GLDC: variants seen among roughly 807,000 people sequenced by gnomAD.
The protein encoded by GLDC is glycine decarboxylase.
In GLDC, 104 loss-of-function variants were observed where a neutral mutation model predicts 121.3. The ratio of observed to expected loss-of-function variants is 0.86; its 90% confidence interval spans 0.73 to 1.01. GLDC has a LOEUF of 1.01. Among genes scored for constraint, GLDC ranks in the 50% least tolerant of loss-of-function variants. GLDC has a pLI of 0.00. For missense variants in GLDC, 1,429 were observed against 1,306.6 expected (o/e 1.09, Z -1.44); for synonymous variants, 546 against 480.6 (o/e 1.14, Z -1.78).
intron 2 of GLDC, among the ~76,000 whole-genome samples, chr9:6,634,365 C>T (rs1436162810): frequency 6.6e-6 from 1 of 151,920 alleles, no homozygotes; most frequent in African/African-American, 2.4e-5. Context: ...TCCATCTCTA[C>T]AAAAAATACA....
At position 6,536,161 on chromosome 9, in the gene GLDC, G is replaced by A. The variant is rs1320682192; in HGVS notation, c.2741C>T (p.Ala914Val). Residue 914 changes from alanine (A) to valine (V), a missense_variant, in exon 23 of 25, where the codon GCA (alanine) becomes GTA (valine). By Grantham distance (64) the Ala-to-Val change is moderately conservative (BLOSUM62 0). Transcript: ENST00000321612. ...GGCATCACAGAATCTGTCCAGCTCTGCCTTGTCCTCCGACTCAGTGGGCTC... is the reference window on the plus strand; with the variant it reads ...GGCATCACAGAATCTGTCCAGCTCTACCTTGTCCTCCGACTCAGTGGGCTC... ...MVEPTESEDKAELDRFCDAMI... is the reference protein window; with the variant it reads ...MVEPTESEDKVELDRFCDAMI... 6.2e-7 allele frequency: 1 copy of A among 1,613,944 alleles called. No individual in the cohort carries two copies. Among genetic ancestry groups the A allele is most frequent in the Non-Finnish European group, 8.5e-7 (1 of 1,179,966 alleles).
rs778202301 is a variant in GLDC at position 6,605,247 on chromosome 9, G to A, written c.745C>T (p.Pro249Ser). Residue 249 changes from proline (P) to serine (S), a missense_variant, in exon 6 of 25, where the codon CCC (proline) becomes TCC (serine). Coordinates refer to ENST00000321612, the MANE Select transcript of GLDC (RefSeq NM_000170.3). ...TTTCCACTGAAGTCCATTTCACAGG[G>A]TAACTTCAGCTCAGTGAGGACTCCA... is the stretch of plus-strand genomic sequence containing the variant. ...YTGVLTELKL[P>S]CEMDFSGKDV... 3.7e-6 allele frequency: 6 copies of A among 1,613,602 alleles called. No homozygotes were observed. The African/African-American group carries it at 8.0e-5, about 22-fold the overall frequency.
At chr9:6,625,592 T>G (rs1819218429) in intron 2 of GLDC, among the ~76,000 whole-genome samples, 1 of 152,152 alleles carries the variant, frequency 6.6e-6, no homozygotes, top group Admixed American at 6.5e-5. Flanking sequence ...ATTTGGCTAT[T>G]GTGCCAAGAG....
intron 15 of GLDC, among the ~76,000 whole-genome samples, chr9:6,576,671 T>C (rs1240532583): frequency 6.6e-6 from 1 of 152,134 alleles, no homozygotes; most frequent in Non-Finnish European, 1.5e-5. Context: ...TTCACTACGT[T>C]GGCCAGGCTG....
chr9:6,619,146 CAAAAAAAAAAAA>C (rs1162280442), intron 3 of GLDC, among the ~76,000 whole-genome samples: 49 of 60,672 alleles, frequency 8.1e-4, no homozygotes, highest in South Asian at 3.8e-3. Context: ...CTGTCTCAGG[CAAAAAAAAAAAA>C]AAAAAAAAAA....
chr9:6,535,921 C>A, intron 23 of GLDC, 143 bp downstream of exon 23: 1 of 774,840 alleles, frequency 1.3e-6, no homozygotes, highest in South Asian at 1.5e-5. Flanking sequence ...TTCAAAGTAA[C>A]AACTGCATCT....
intron 21 of GLDC, among the ~76,000 whole-genome samples, chr9:6,542,776 C>T (rs780687474): frequency 2.0e-4 from 30 of 149,164 alleles, no homozygotes; most frequent in Admixed American, 3.4e-4. Context: ...GTACCAGCTA[C>T]GTGTAAGGCT....
chr9:6,588,384 A>G lies in GLDC; in HGVS notation c.1707+17T>C, dbSNP rs1223788350. The G allele has an allele frequency of 1.9e-6, 3 of 1,593,172 alleles. No individual in the cohort carries two copies. The South Asian group carries it at 3.3e-5, about 18-fold the overall frequency. On this transcript the variant is annotated intron_variant, in intron 14 of 24. Coordinates refer to ENST00000321612, the MANE Select transcript of GLDC (RefSeq NM_000170.3). ...TGCCCCTTGCTGAGTATCCACTTAC[A>G]GAAGTGAGCTACTTACTGCGAGTTC...
Position 6,623,029 on chromosome 9 carries a change from T to C in GLDC, c.335-2710A>G, listed in dbSNP as rs538654846. On this transcript the variant is annotated intron_variant, in intron 2 of 24. Coordinates refer to ENST00000321612, the MANE Select transcript of GLDC (RefSeq NM_000170.3). The stretch of plus-strand genomic sequence containing the variant: ...CCCCTGCCCGGCCAGCCGCCCTGTC[T>C]GGGAGGTGAGGGGCGCCTCTGCCCC... 1,424 of 176,160 alleles carry C rather than the reference T, an allele frequency of 8.1e-3. 65 individuals carry two copies. The highest frequency in any genetic ancestry group is 0.039 in the African/African-American group (1,299 of 32,936). The allele number at this position is 176,160 out of a possible 1,614,324, so 10.9% of individuals were successfully genotyped here.
At chr9:6,641,738 T>C (rs1344475450) in intron 2 of GLDC, among the ~76,000 whole-genome samples, 1 of 152,236 alleles carries the variant, frequency 6.6e-6, no homozygotes, top group African/African-American at 2.4e-5. Context: ...CTGAGATTAC[T>C]GAGTTATGTG....
intron 15 of GLDC, chr9:6,567,224 C>T (rs1294784992): frequency 6.6e-6 from 1 of 152,178 alleles, no homozygotes; most frequent in Admixed American, 6.5e-5. Flanking sequence ...GAGTCAGCTG[C>T]AGCTATCTCC....
At chr9:6,624,362 A>C (rs1819187879) in intron 2 of GLDC, among the ~76,000 whole-genome samples, 1 of 152,206 alleles carries the variant, frequency 6.6e-6, no homozygotes, top group African/African-American at 2.4e-5. Flanking sequence ...TGTCCTTATA[A>C]GAAGAGCAAA....
chr9:6,613,854 G>A (rs994557942), intron 3 of GLDC, among the ~76,000 whole-genome samples: 3 of 152,074 alleles, frequency 2.0e-5, no homozygotes, highest in Admixed American at 6.6e-5. Flanking sequence ...TCGGCCCAGT[G>A]CAACCTCCAC....
At chr9:6,582,581 G>C (rs1007581303) in intron 15 of GLDC, among the ~76,000 whole-genome samples, 43 of 151,870 alleles carry the variant, frequency 2.8e-4, no homozygotes, top group African/African-American at 1.0e-3. Context: ...TGTAATCCCA[G>C]CACTTTGAGA....
intron 16 of GLDC, among the ~76,000 whole-genome samples, chr9:6,564,766 C>G (rs1048878503): frequency 2.6e-5 from 4 of 152,228 alleles, no homozygotes; most frequent in Non-Finnish European, 1.5e-5. Flanking sequence ...ACCTGCTGGT[C>G]CCCACAGTGG....
intron 9 of GLDC, 143 bp from the exon 10 acceptor site, chr9:6,593,133 C>T (rs1239579499): frequency 1.3e-6 from 1 of 769,990 alleles, no homozygotes; most frequent in Non-Finnish European, 2.2e-6. Context: ...TTTTAAAAAA[C>T]TAAACATGTT....
At chr9:6,606,912 A>C (rs1052271431) in intron 4 of GLDC, among the ~76,000 whole-genome samples, 1 of 151,988 alleles carries the variant, frequency 6.6e-6, no homozygotes, top group Admixed American at 6.6e-5. Context: ...GTCTCTACTA[A>C]AAATACAAAA....
chr9:6,597,819 C>T lies in GLDC; in HGVS notation c.1156-2700G>A, dbSNP rs10975670. On this transcript the variant is annotated intron_variant, in intron 8 of 24. Coordinates refer to ENST00000321612, the MANE Select transcript of GLDC (RefSeq NM_000170.3). ...GGCATGGTAGCAGACACCTGTAGTCCCAGCTACACAGGAGGCTGAGGCAGG... is the reference window on the plus strand; with the variant it reads ...GGCATGGTAGCAGACACCTGTAGTCTCAGCTACACAGGAGGCTGAGGCAGG... Among the ~76,000 whole-genome samples, 949 of 151,960 alleles carry T rather than the reference C, an allele frequency of 6.2e-3. 9 individuals carry two copies. Among genetic ancestry groups the T allele is most frequent in the African/African-American group, 0.021 (873 of 41,452 alleles).
chr9:6,557,467 G>A (rs1038005808), intron 17 of GLDC, among the ~76,000 whole-genome samples: 4 of 152,070 alleles, frequency 2.6e-5, no homozygotes, highest in African/African-American at 7.2e-5. Flanking sequence ...GGTGGCACAC[G>A]CCTGTAGTCC....
Sources: gnomAD v4.1 joint callset for allele counts (sites outside exome capture counted in the v4.1 genomes callset) on GRCh38, gnomAD v4.1.1 for gene constraint, MANE v1.5 for transcripts, NCBI Gene and HGNC (gene_info 2026-07-23, HGNC 2026-07-21) for gene names.